RABGAP1L: variants seen among roughly 807,000 people sequenced by gnomAD.
RABGAP1L encodes rab GTPase-activating protein 1-like.
RABGAP1L carries 63 observed loss-of-function variants against 137.7 expected under a neutral mutation model. The ratio of observed to expected loss-of-function variants is 0.46; its 90% confidence interval spans 0.37 to 0.56. The LOEUF is 0.56. RABGAP1L is among the 20% of genes least tolerant of loss of function. RABGAP1L has a pLI of 0.00. For synonymous variants in RABGAP1L, 431 were observed against 433.7 expected (o/e 0.99, Z 0.08); for missense variants, 1,095 against 1,244.0 (o/e 0.88, Z 1.80).
chr1:174,584,127 G>GGATAGCCTAAGC (rs1234438850), intron 13 of RABGAP1L, among the ~76,000 whole-genome samples: 2 of 152,072 alleles, frequency 1.3e-5, no homozygotes, highest in Non-Finnish European at 2.9e-5. Flanking sequence ...AAATCATCTT[G>GGATAGCCTAAGC]GATAGCCTAA....
intron 13 of RABGAP1L, among the ~76,000 whole-genome samples, chr1:174,505,453 G>A (rs776450032): frequency 6.7e-6 from 1 of 149,782 alleles, no homozygotes; most frequent in Admixed American, 6.7e-5. Context: ...AAACACATGG[G>A]CATTTGTGAA....
intron 19 of RABGAP1L, chr1:174,877,728 A>T (rs1653378324): frequency 1.0e-6 from 1 of 953,746 alleles, no homozygotes; most frequent in South Asian, 1.6e-5. Flanking sequence ...AGGTTTTCAA[A>T]GATTTATTTA....
chr1:174,654,631 T>A (rs58217866), intron 14 of RABGAP1L, among the ~76,000 whole-genome samples: 1,955 of 152,150 alleles, frequency 0.013, 45 homozygotes, highest in African/African-American at 0.044. Context: ...TACAATTTTT[T>A]TAAAAAAAAT....
intron 13 of RABGAP1L, among the ~76,000 whole-genome samples, chr1:174,602,386 A>G (rs939669698): frequency 6.6e-6 from 1 of 152,134 alleles, no homozygotes; most frequent in Non-Finnish European, 1.5e-5. Context: ...CTTATTCACT[A>G]CACCAGAATA....
intron 11 of RABGAP1L, among the ~76,000 whole-genome samples, chr1:174,335,726 C>T (rs1396116052): frequency 6.6e-6 from 1 of 152,150 alleles, no homozygotes; most frequent in African/African-American, 2.4e-5. Flanking sequence ...CAGGAAGAAA[C>T]TATTTGAAGA....
chr1:174,731,594 G>GA (rs1309186051), intron 17 of RABGAP1L, among the ~76,000 whole-genome samples: 1 of 152,064 alleles, frequency 6.6e-6, no homozygotes, highest in Non-Finnish European at 1.5e-5. Flanking sequence ...TTATACCCTG[G>GA]AACTCCAACT....
intron 11 of RABGAP1L, among the ~76,000 whole-genome samples, chr1:174,348,988 G>A (rs1360922482): frequency 2.0e-5 from 3 of 152,056 alleles, no homozygotes; most frequent in African/African-American, 4.8e-5. Context: ...CCTCCCAGAC[G>A]GGGTGGTGGC....
At position 174,991,400 on chromosome 1, in the gene RABGAP1L, G is replaced by A. The variant is rs1350295922; in HGVS notation, c.*1399G>A. The A allele has an allele frequency of 6.6e-6, 1 of 152,124 alleles. No individual in the cohort carries two copies. Among genetic ancestry groups the A allele is most frequent in the Non-Finnish European group, 1.5e-5 (1 of 68,018 alleles). The allele number at this position is 152,124 out of a possible 1,614,324, so 9.4% of individuals were successfully genotyped here. On this transcript the variant is annotated 3_prime_UTR_variant, in exon 26 of 26. Transcript: ENST00000681986. ...TGCAAAGAATCTTAAACTCTGTAGT[G>A]CCAGAATGATTCTCATCTGTGCCAT...
chr1:174,254,004 G>A (rs1199362972), intron 7 of RABGAP1L, among the ~76,000 whole-genome samples: 1 of 152,072 alleles, frequency 6.6e-6, no homozygotes, highest in Non-Finnish European at 1.5e-5. Flanking sequence ...TGGGATGAGG[G>A]TGGGAGGCAA....
At chr1:174,694,956 G>A (rs942084423) in intron 15 of RABGAP1L, among the ~76,000 whole-genome samples, 11 of 151,974 alleles carry the variant, frequency 7.2e-5, no homozygotes, top group South Asian at 4.2e-4. Flanking sequence ...GCCAGTGATG[G>A]TGAGCATTTT....
At chr1:174,236,549 G>A (rs1464855501) in intron 4 of RABGAP1L, among the ~76,000 whole-genome samples, 2 of 151,290 alleles carry the variant, frequency 1.3e-5, no homozygotes, top group Non-Finnish European at 2.9e-5. Flanking sequence ...TCAGGAGCAG[G>A]TTGTTCAGTT....
intron 15 of RABGAP1L, among the ~76,000 whole-genome samples, chr1:174,692,763 AG>A (rs1277875458): frequency 6.6e-6 from 1 of 152,158 alleles, no homozygotes; most frequent in Non-Finnish European, 1.5e-5. Context: ...TCTTTAAGGA[AG>A]GAAAGATAAG....
At position 174,839,531 on chromosome 1, in the gene RABGAP1L, C is replaced by T. The variant is rs139822652; in HGVS notation, c.2340+27571C>T. Among the ~76,000 whole-genome samples the T allele has an allele frequency of 2.5e-3, 376 of 152,232 alleles. 3 individuals carry two copies. Among genetic ancestry groups the T allele is most frequent in the African/African-American group, 8.5e-3 (355 of 41,530 alleles). On this transcript the variant is annotated intron_variant, in intron 19 of 25. Transcript: ENST00000681986. ...ATTGACCTTGAATAGGAAAAAGTAACGTATATAATCCTAATTGTTTAAGAG... is the reference window on the plus strand; with the variant it reads ...ATTGACCTTGAATAGGAAAAAGTAATGTATATAATCCTAATTGTTTAAGAG...
At chr1:174,797,807 G>C (rs191761363) in intron 18 of RABGAP1L, among the ~76,000 whole-genome samples, 1 of 152,022 alleles carries the variant, frequency 6.6e-6, no homozygotes, top group African/African-American at 2.4e-5. Context: ...CCCTCTTCCA[G>C]CTGAACCTAT....
At chr1:174,276,777 A>G (rs1675038532) in intron 9 of RABGAP1L, among the ~76,000 whole-genome samples, 1 of 152,126 alleles carries the variant, frequency 6.6e-6, no homozygotes, top group African/African-American at 2.4e-5. Flanking sequence ...AACAGAATGT[A>G]TAAATGTTGA....
At chr1:174,382,894 T>C (rs1299839138) in intron 12 of RABGAP1L, among the ~76,000 whole-genome samples, 5 of 151,878 alleles carry the variant, frequency 3.3e-5, no homozygotes, top group African/African-American at 1.2e-4. Context: ...AGTTTTTCTG[T>C]TCTGTTTTTT....
intron 13 of RABGAP1L, among the ~76,000 whole-genome samples, chr1:174,496,697 CCTCT>C (rs1660762232): frequency 6.6e-6 from 1 of 152,172 alleles, no homozygotes; most frequent in African/African-American, 2.4e-5. Context: ...GCACGCGTGT[CCTCT>C]CCACCATGAC....
intron 13 of RABGAP1L, among the ~76,000 whole-genome samples, chr1:174,559,356 A>C (rs989713406): frequency 6.6e-6 from 1 of 152,224 alleles, no homozygotes; most frequent in Non-Finnish European, 1.5e-5. Flanking sequence ...CATTTACTTT[A>C]TCAAAAAGAA....
intron 1 of RABGAP1L, among the ~76,000 whole-genome samples, chr1:174,176,746 A>AATAAAATAAAATAAAAG (rs1665923226): frequency 7.5e-6 from 1 of 133,998 alleles, no homozygotes; most frequent in South Asian, 2.4e-4. Flanking sequence ...AAAAAAAAAA[A>AATAAAATAAAATAAAAG]GGTCAACATT....
Sources: allele counts gnomAD v4.1 joint callset (sites outside exome capture counted in the v4.1 genomes callset), GRCh38; gene constraint gnomAD v4.1.1; transcripts MANE v1.5; gene names NCBI Gene and HGNC (gene_info 2026-07-23, HGNC 2026-07-21).